The following FHIT variants were observed in gnomAD, a reference collection of about 807,000 sequenced individuals.
FHIT encodes the protein fragile histidine triad diadenosine triphosphatase.
A neutral mutation model predicts 17.9 loss-of-function variants in FHIT; 19 were observed. The ratio of observed to expected loss-of-function variants is 1.06; its 90% CI spans 0.74 to 1.56. The LOEUF is 1.56. Ranked by LOEUF, FHIT falls within the 40% of genes most tolerant of loss-of-function variation. The pLI is 0.00. For synonymous variants in FHIT, 81 were observed against 69.7 expected (o/e 1.16, Z -0.81); for missense variants, 248 against 189.2 (o/e 1.31, Z -1.82).
At chr3:60,342,244 A>T (rs1353355633) in intron 5 of FHIT, among the ~76,000 whole-genome samples, 1 of 152,212 alleles carries the variant, frequency 6.6e-6, no homozygotes, top group East Asian at 1.9e-4. Context: ...ACACAATTGC[A>T]TGAGCAATGT....
At chr3:60,224,204 G>A (rs1469788619) in intron 5 of FHIT, among the ~76,000 whole-genome samples, 5 of 152,062 alleles carry the variant, frequency 3.3e-5, no homozygotes, top group Admixed American at 2.6e-4. Flanking sequence ...CTATCTTCCA[G>A]AAGACAGCAC....
intron 3 of FHIT, among the ~76,000 whole-genome samples, chr3:61,018,048 A>T (rs993264018): frequency 1.3e-5 from 2 of 152,220 alleles, no homozygotes; most frequent in African/African-American, 4.8e-5. Flanking sequence ...TTACTCATTG[A>T]ACATTTACTA....
chr3:60,716,908 G>A (rs1246780276), intron 4 of FHIT, among the ~76,000 whole-genome samples: 3 of 152,108 alleles, frequency 2.0e-5, no homozygotes, highest in Admixed American at 6.6e-5. Flanking sequence ...GTCTGTCATT[G>A]ACCAGACCAT....
At chr3:60,327,876 C>G (rs6446121) in intron 5 of FHIT, among the ~76,000 whole-genome samples, 112,362 of 151,948 alleles carry the variant, frequency 0.74, 42,122 homozygotes, top group East Asian at 0.89. Flanking sequence ...GGCTGGCAGG[C>G]GAAGGAAACA....
At chr3:60,550,971 G>A (rs1294048767) in intron 4 of FHIT, among the ~76,000 whole-genome samples, 2 of 152,136 alleles carry the variant, frequency 1.3e-5, no homozygotes, top group Non-Finnish European at 2.9e-5. Context: ...AGGCAGAAGT[G>A]GCTGCCTAAG....
At chr3:61,185,008 A>G (rs1166877630) in intron 2 of FHIT, among the ~76,000 whole-genome samples, 3 of 152,228 alleles carry the variant, frequency 2.0e-5, no homozygotes, top group Non-Finnish European at 2.9e-5. Context: ...GGTGATTTCT[A>G]GCACGGCATC....
chr3:60,208,140 C>T (rs1348227371), intron 5 of FHIT, among the ~76,000 whole-genome samples: 1 of 152,192 alleles, frequency 6.6e-6, no homozygotes, highest in African/African-American at 2.4e-5. Flanking sequence ...AATGTGTTTA[C>T]ACTTTTTCTG....
chr3:60,895,392 A>C (rs1157416930), intron 3 of FHIT, among the ~76,000 whole-genome samples: 1 of 152,198 alleles, frequency 6.6e-6, no homozygotes, highest in Non-Finnish European at 1.5e-5. Context: ...ATGTGTGTGT[A>C]TGTGCAGGTA....
At chr3:59,922,169 C>G (rs1705436622) in intron 8 of FHIT, among the ~76,000 whole-genome samples, 177 bp downstream of exon 8, 2 of 152,176 alleles carry the variant, frequency 1.3e-5, no homozygotes, top group Admixed American at 1.3e-4. Context: ...ATTAATTAGT[C>G]ATGGGTTCCC....
chr3:60,975,067 T>C (rs1160820127), intron 3 of FHIT, among the ~76,000 whole-genome samples: 3 of 152,180 alleles, frequency 2.0e-5, no homozygotes, highest in East Asian at 3.8e-4. Flanking sequence ...GGAGAAAGGC[T>C]GCAAATAAAA....
intron 7 of FHIT, among the ~76,000 whole-genome samples, chr3:59,999,073 C>T (rs1406978711): frequency 6.6e-6 from 1 of 152,072 alleles, no homozygotes; most frequent in African/African-American, 2.4e-5. Context: ...TTGGATCTTA[C>T]AACAATCAAT....
intron 7 of FHIT, among the ~76,000 whole-genome samples, chr3:59,965,787 T>A (rs1423517156): frequency 6.6e-6 from 1 of 152,202 alleles, no homozygotes; most frequent in Non-Finnish European, 1.5e-5. Context: ...TAACTATAAA[T>A]ATTTAAAATC....
chr3:60,560,015 CA>C (rs941189087), intron 4 of FHIT, among the ~76,000 whole-genome samples: 8 of 151,988 alleles, frequency 5.3e-5, no homozygotes, highest in African/African-American at 1.9e-4. Flanking sequence ...TTAAGAATGA[CA>C]GCTCCCAACA....
chr3:60,178,733 T>G (rs570329314), intron 5 of FHIT, among the ~76,000 whole-genome samples: 1 of 152,166 alleles, frequency 6.6e-6, no homozygotes, highest in Non-Finnish European at 1.5e-5. Context: ...AGCAATCTGA[T>G]CCCATGTGAT....
chr3:60,101,712 A>C (rs1704198465), intron 5 of FHIT, among the ~76,000 whole-genome samples: 1 of 152,122 alleles, frequency 6.6e-6, no homozygotes, highest in African/African-American at 2.4e-5. Context: ...CATGGATGTA[A>C]ACAGTATCTG....
At chr3:60,417,363 G>T (rs1006924643) in intron 5 of FHIT, among the ~76,000 whole-genome samples, 1 of 152,114 alleles carries the variant, frequency 6.6e-6, no homozygotes, top group African/African-American at 2.4e-5. Flanking sequence ...GAAAAAATTC[G>T]TTAGAGAATG....
intron 4 of FHIT, among the ~76,000 whole-genome samples, chr3:60,567,847 C>T (rs1454943942): frequency 2.0e-5 from 3 of 152,056 alleles, no homozygotes; most frequent in Middle Eastern, 3.2e-3. Flanking sequence ...CCAAAAGACA[C>T]GTGAAAAAAA....
chr3:59,962,062 G>A (rs1249509291), intron 7 of FHIT, among the ~76,000 whole-genome samples: 3 of 152,106 alleles, frequency 2.0e-5, no homozygotes, highest in South Asian at 2.1e-4. Context: ...AATTCATTTC[G>A]ATTAAAGAAA....
rs559972879 is a variant in FHIT at position 60,143,574 on chromosome 3, T to G, written c.104-129422A>C. 2.0e-4 allele frequency among the ~76,000 whole-genome samples: 31 copies of G among 152,200 alleles called. 1 individual carries two copies. The South Asian group carries it at 6.4e-3, about 32-fold the overall frequency. ...TAAGACACAAGCAAAAATAAATGAT[T>G]ATTGTTTTAAACTTCAGAGTTTTGG... On this transcript the variant is annotated intron_variant, in intron 5 of 9. Coordinates refer to ENST00000492590, the MANE Select transcript of FHIT (RefSeq NM_002012.4).
Sources: gnomAD v4.1 joint callset for allele counts (sites outside exome capture counted in the v4.1 genomes callset) on GRCh38, gnomAD v4.1.1 for gene constraint, MANE v1.5 for transcripts, NCBI Gene and HGNC (gene_info 2026-07-23, HGNC 2026-07-21) for gene names.